ICA1: variants seen among roughly 807,000 people sequenced by gnomAD.
The protein encoded by ICA1 is islet cell autoantigen 1.
A neutral mutation model predicts 71.0 loss-of-function variants in ICA1; 40 were observed. That is an observed-to-expected ratio of 0.56 (90% CI 0.44 to 0.73). ICA1 has a LOEUF of 0.73. ICA1 is among the 30% of genes least tolerant of loss of function. The probability of loss-of-function intolerance (pLI) is 0.00; values close to 1 mark genes in which losing one functional copy is unlikely to be tolerated. For synonymous variants in ICA1, 207 were observed against 209.5 expected (o/e 0.99, Z 0.10); for missense variants, 578 against 576.5 (o/e 1.00, Z -0.03).
In ICA1 at chr7:8,130,118, G is replaced by A. The variant is rs1790899067; in HGVS notation, c.1061-1976C>T. Reference sequence around the variant, plus strand: ...CCAGTCTATCATTGTTGGACATTTGGGTTGGTTCCAAGTCTTTGCTGCTAG... The same window carrying A: ...CCAGTCTATCATTGTTGGACATTTGAGTTGGTTCCAAGTCTTTGCTGCTAG... On this transcript the variant is annotated intron_variant, in intron 12 of 13. Transcript: ENST00000402384. This position sits in a 1 kb window ranked among gnomAD's most constrained non-coding sequence, Gnocchi z 4.2. Among the ~76,000 whole-genome samples the A allele has an allele frequency of 6.6e-6, 1 of 152,052 alleles. No individual in the cohort carries two copies. The highest frequency in any genetic ancestry group is 2.4e-5 in the African/African-American group (1 of 41,366).
At chr7:8,176,201 C>A (rs573150758) in intron 6 of ICA1, among the ~76,000 whole-genome samples, 1 of 152,222 alleles carries the variant, frequency 6.6e-6, no homozygotes, top group Non-Finnish European at 1.5e-5. Context: ...GTCTCCTTTC[C>A]CATGTTACCT....
chr7:8,241,534 T>C (rs569272347), intron 1 of ICA1, among the ~76,000 whole-genome samples: 40 of 122,190 alleles, frequency 3.3e-4, no homozygotes, highest in African/African-American at 1.5e-3. Context: ...CCAGCTAACA[T>C]CATAATGACA....
intron 12 of ICA1, among the ~76,000 whole-genome samples, chr7:8,136,185 T>C (rs1348966155): frequency 6.6e-6 from 1 of 152,204 alleles, no homozygotes; most frequent in Non-Finnish European, 1.5e-5. Context: ...TTGAGAATCG[T>C]TGCTGTTGTC....
intron 1 of ICA1, among the ~76,000 whole-genome samples, chr7:8,257,678 C>A (rs1319567714): frequency 6.6e-6 from 1 of 152,134 alleles, no homozygotes; most frequent in Non-Finnish European, 1.5e-5. Flanking sequence ...TAAAATTGAA[C>A]TCTGCAATGT....
At position 8,226,793 on chromosome 7, in the gene ICA1, A is replaced by G. The variant is rs1318502744; in HGVS notation, c.256+1808T>C. On this transcript the variant is annotated intron_variant, in intron 4 of 13. Coordinates refer to ENST00000402384, the MANE Select transcript of ICA1 (RefSeq NM_001136020.3). This position sits in a 1 kb window ranked among gnomAD's most constrained non-coding sequence, Gnocchi z 4.4. ...AGGTGACTGCTTCAACGGTGGGGACATTATTCTAACCCTTTATATTACAAG... is the reference window on the plus strand; with the variant it reads ...AGGTGACTGCTTCAACGGTGGGGACGTTATTCTAACCCTTTATATTACAAG... Among the ~76,000 whole-genome samples, 1 of 152,226 alleles carries G rather than the reference A, an allele frequency of 6.6e-6. No homozygotes were observed. Among genetic ancestry groups the G allele is most frequent in the Admixed American group, 6.5e-5 (1 of 15,276 alleles).
Position 8,123,077 on chromosome 7 carries a change from G to A in ICA1, c.1330+4796C>T, listed in dbSNP as rs573735352. Among the ~76,000 whole-genome samples, 83 of 152,290 alleles carry A rather than the reference G, an allele frequency of 5.5e-4. No individual in the cohort carries two copies. Among genetic ancestry groups the A allele is most frequent in the African/African-American group, 1.9e-3 (79 of 41,560 alleles). Reference sequence around the variant, plus strand: ...GGGAAGGCACAATTTTCTCATCACTGCATGACAGAGGAACCCCCACACCTT... The same window carrying A: ...GGGAAGGCACAATTTTCTCATCACTACATGACAGAGGAACCCCCACACCTT... On this transcript the variant is annotated intron_variant, in intron 13 of 13. Transcript: ENST00000402384. The surrounding 1 kb of genome is among the most constrained non-coding windows in gnomAD (Gnocchi z 4.1).
chr7:8,246,458 T>C (rs1447464854), intron 1 of ICA1, among the ~76,000 whole-genome samples: 2 of 152,194 alleles, frequency 1.3e-5, no homozygotes, highest in Non-Finnish European at 2.9e-5. Flanking sequence ...GAAAGGCAAC[T>C]TCCTGCTCAG....
chr7:8,239,047 T>C (rs1156647147), intron 1 of ICA1, among the ~76,000 whole-genome samples: 2 of 152,194 alleles, frequency 1.3e-5, no homozygotes, highest in African/African-American at 4.8e-5. Flanking sequence ...AACTACTGGA[T>C]CATAGGCACA....
At chr7:8,161,637 G>A (rs1267839725) in intron 6 of ICA1, among the ~76,000 whole-genome samples, 1 of 152,162 alleles carries the variant, frequency 6.6e-6, no homozygotes, top group Non-Finnish European at 1.5e-5. Flanking sequence ...GCTGGAGGGG[G>A]GTGAGAAACA....
chr7:8,260,179 T>C (rs1037114599), intron 1 of ICA1, among the ~76,000 whole-genome samples: 21 of 152,214 alleles, frequency 1.4e-4, no homozygotes, highest in African/African-American at 4.3e-4. Context: ...TTCTACGTTA[T>C]GGCATAACTA....
chr7:8,237,130 C>G (rs967156633), intron 1 of ICA1, among the ~76,000 whole-genome samples: 12 of 152,164 alleles, frequency 7.9e-5, no homozygotes, highest in Admixed American at 2.0e-4. Context: ...GATATGACAG[C>G]ATCCTGCAGT....
At position 8,121,774 on chromosome 7, in the gene ICA1, C is replaced by T. The variant is rs190825291; in HGVS notation, c.1330+6099G>A. On this transcript the variant is annotated intron_variant, in intron 13 of 13. Transcript: ENST00000402384. Reference sequence around the variant, plus strand: ...GAGTATAATTGGAATGTGTGTAACACCAAGAAATGAGAAATGCTTGAGGTG... The same window carrying T: ...GAGTATAATTGGAATGTGTGTAACATCAAGAAATGAGAAATGCTTGAGGTG... Among the ~76,000 whole-genome samples the T allele has an allele frequency of 2.8e-4, 42 of 152,210 alleles. No homozygotes were observed. In the East Asian group the frequency reaches 3.3e-3, roughly 12 times the overall value.
intron 6 of ICA1, among the ~76,000 whole-genome samples, chr7:8,206,014 C>G (rs964933357): frequency 5.9e-5 from 9 of 152,270 alleles, no homozygotes; most frequent in Non-Finnish European, 1.3e-4. Flanking sequence ...TCCCCCTCCC[C>G]CTTCGTTCTT....
intron 1 of ICA1, among the ~76,000 whole-genome samples, chr7:8,238,764 G>C (rs1213361684): frequency 3.3e-5 from 5 of 152,110 alleles, no homozygotes; most frequent in African/African-American, 1.2e-4. Context: ...CTTCTACCTA[G>C]ATTTCCAGGC....
intron 1 of ICA1, among the ~76,000 whole-genome samples, chr7:8,256,358 C>G (rs1033151839): frequency 9.9e-5 from 15 of 152,100 alleles, no homozygotes; most frequent in Admixed American, 2.6e-4. Flanking sequence ...CATCCTGGCT[C>G]CCTTCCCCCC....
At chr7:8,188,689 C>T (rs1784618770) in intron 6 of ICA1, among the ~76,000 whole-genome samples, 1 of 152,178 alleles carries the variant, frequency 6.6e-6, no homozygotes, top group African/African-American at 2.4e-5. Flanking sequence ...ATATTTTAAA[C>T]TTGGGAGTAC....
chr7:8,120,459 G>GA (rs1265542702), intron 13 of ICA1, among the ~76,000 whole-genome samples: 1 of 152,130 alleles, frequency 6.6e-6, no homozygotes, highest in Non-Finnish European at 1.5e-5. Flanking sequence ...CTTCTGTCAG[G>GA]AAAAAATGCT....
chr7:8,184,398 C>T (rs35849110), intron 6 of ICA1, among the ~76,000 whole-genome samples: 3,283 of 152,296 alleles, frequency 0.022, 40 homozygotes, highest in Middle Eastern at 0.048. Flanking sequence ...ACGCAATGTG[C>T]TCAACAGTGA....
At chr7:8,169,219 T>C (rs1228823988) in intron 6 of ICA1, among the ~76,000 whole-genome samples, 25 of 152,276 alleles carry the variant, frequency 1.6e-4, no homozygotes, top group Non-Finnish European at 2.9e-5. Context: ...ATTTCTCAAG[T>C]AGTATTTAAT....
Sources: allele counts gnomAD v4.1 joint callset (sites outside exome capture counted in the v4.1 genomes callset), GRCh38; gene constraint gnomAD v4.1.1; non-coding constraint Gnocchi (gnomAD v3.1); transcripts MANE v1.5; gene names NCBI Gene and HGNC (gene_info 2026-07-23, HGNC 2026-07-21).